The following SRP9 variants were observed in gnomAD, a reference collection of about 807,000 sequenced individuals.
SRP9 encodes signal recognition particle 9.
In SRP9, 2 loss-of-function variants were observed where a neutral mutation model predicts 11.7. The observed-to-expected ratio is 0.17, with a 90% confidence interval of 0.07 to 0.54. The LOEUF (loss-of-function observed/expected upper bound fraction) is 0.54. Ranked by LOEUF, SRP9 falls within the 20% of genes least tolerant of loss-of-function variation. SRP9 has a pLI of 0.94. For missense variants in SRP9, 54 were observed against 108.1 expected, an observed-to-expected ratio of 0.50 and a Z score of 2.22; for synonymous variants, 27 against 35.6, an observed-to-expected ratio of 0.76 and a Z score of 0.86.
chr1:225,789,464 C>T lies in SRP9; in HGVS notation c.*105C>T. ...ACTTTATGTAACTAAGTGGGCTGTTCAGAAGCTTAGAGGTCATTTTTTGTA... is the reference window on the plus strand; with the variant it reads ...ACTTTATGTAACTAAGTGGGCTGTTTAGAAGCTTAGAGGTCATTTTTTGTA... On this transcript the variant is annotated 3_prime_UTR_variant, in exon 3 of 3. Coordinates refer to ENST00000304786, the MANE Select transcript of SRP9 (RefSeq NM_003133.6). The T allele has an allele frequency of 1.4e-6, 2 of 1,388,024 alleles. No individual in the cohort carries two copies. Among genetic ancestry groups the T allele is most frequent in the Non-Finnish European group, 1.9e-6 (2 of 1,029,086 alleles). 86.0% of individuals were successfully genotyped at this position (1,388,024 alleles called of 1,614,324 possible). A position where few individuals can be genotyped will look rare whatever the true frequency, so the allele number is the denominator to read the frequency against.
In SRP9 at chr1:225,790,075, G is replaced by C. The variant is rs1203548228; in HGVS notation, c.*716G>C. 1.3e-5 allele frequency: 2 copies of C among 152,160 alleles called. No individual in the cohort carries two copies. The highest frequency in any genetic ancestry group is 2.9e-5 in the Non-Finnish European group (2 of 68,036). The allele number at this position is 152,160 out of a possible 1,614,324, so 9.4% of individuals were successfully genotyped here. ...GATGATCACTGTGCTATAATGTACTGAAACCACCATATTACAGAAATATTT... is the reference window on the plus strand; with the variant it reads ...GATGATCACTGTGCTATAATGTACTCAAACCACCATATTACAGAAATATTT... On this transcript the variant is annotated 3_prime_UTR_variant, in exon 3 of 3. Transcript: ENST00000304786.
chr1:225,781,312 C>T (rs1321289564), intron 1 of SRP9, among the ~76,000 whole-genome samples: 1 of 151,484 alleles, frequency 6.6e-6, no homozygotes, highest in Non-Finnish European at 1.5e-5. Flanking sequence ...TTCTTTATGG[C>T]ATCTGACATG....
chr1:225,783,022 A>G (rs985029273), intron 1 of SRP9, among the ~76,000 whole-genome samples: 1 of 152,200 alleles, frequency 6.6e-6, no homozygotes, highest in African/African-American at 2.4e-5. Flanking sequence ...CATTCCCTGA[A>G]TGTGGATGTG....
Position 225,786,422 on chromosome 1 carries a change from G to A in SRP9, c.142-2818G>A, listed in dbSNP as rs1022358702. Among the ~76,000 whole-genome samples the A allele has an allele frequency of 3.3e-5, 5 of 152,158 alleles. No homozygotes were observed. In the East Asian group the frequency reaches 9.6e-4, roughly 29 times the overall value. ...TCAGTAAACATTTTTTAAATAGTTAGTTCTTTTGAAAATTTTATAGAGTGA... is the reference window on the plus strand; with the variant it reads ...TCAGTAAACATTTTTTAAATAGTTAATTCTTTTGAAAATTTTATAGAGTGA... On this transcript the variant is annotated intron_variant, in intron 2 of 2. Coordinates refer to ENST00000304786, the MANE Select transcript of SRP9 (RefSeq NM_003133.6).
At chr1:225,789,008 G>A in intron 2 of SRP9, 1 of 1,550,020 alleles carries the variant, frequency 6.5e-7, no homozygotes. Context: ...GCTTCTAATA[G>A]ACTTCATTCA....
intron 1 of SRP9, among the ~76,000 whole-genome samples, chr1:225,781,395 C>CTTTTTTTTTTTTTTTTTTTT (rs11315558): frequency 3.2e-4 from 28 of 87,780 alleles, no homozygotes; most frequent in East Asian, 1.2e-3. Context: ...TTTTCTTTTT[C>CTTTTTTTTTTTTTTTTTTTT]TTTTTTTTTT....
chr1:225,784,000 GT>G (rs1001266450), intron 2 of SRP9, among the ~76,000 whole-genome samples: 20 of 145,786 alleles, frequency 1.4e-4, no homozygotes, highest in South Asian at 2.2e-4. Flanking sequence ...TTTGCTGATT[GT>G]TTTTTTTTTG....
At position 225,783,807 on chromosome 1, in the gene SRP9, T is replaced by C. The variant is rs1371367824; in HGVS notation, c.141+439T>C. Among the ~76,000 whole-genome samples, 5 of 152,236 alleles carry C rather than the reference T, an allele frequency of 3.3e-5. No individual in the cohort carries two copies. In the East Asian group the frequency reaches 9.6e-4, roughly 29 times the overall value. ...ATGGTACTCCAGCGAAACTGCTCTT[T>C]GTGAGAGCACATCAGCAGCTCCTTT... On this transcript the variant is annotated intron_variant, in intron 2 of 2. Transcript: ENST00000304786.
At chr1:225,787,773 C>G (rs1227482425) in intron 2 of SRP9, among the ~76,000 whole-genome samples, 4 of 152,090 alleles carry the variant, frequency 2.6e-5, no homozygotes, top group Non-Finnish European at 4.4e-5. Context: ...AAGGTATGTA[C>G]ATTCTCTCAT....
At chr1:225,788,797 A>G (rs1665966400) in intron 2 of SRP9, among the ~76,000 whole-genome samples, 1 of 151,756 alleles carries the variant, frequency 6.6e-6, no homozygotes, top group Non-Finnish European at 1.5e-5. Flanking sequence ...TTATTATCAA[A>G]CCCCCAATTT....
rs1467641379 is a variant in SRP9, at chr1:225,778,029, G to C, written c.72+17G>C. On this transcript the variant is annotated intron_variant, in intron 1 of 2. Transcript: ENST00000304786. ...CCTATGAAGGTAAATCGCTGGCGGG[G>C]CCGCTGCTTTGGGCCCCAGCCCAGG... 1.9e-6 allele frequency: 3 copies of C among 1,614,038 alleles called. No individual in the cohort carries two copies. The East Asian group carries it at 6.7e-5, about 36-fold the overall frequency.
At chr1:225,779,553 G>T (rs559804336) in intron 1 of SRP9, among the ~76,000 whole-genome samples, 22 of 152,256 alleles carry the variant, frequency 1.4e-4, no homozygotes, top group African/African-American at 5.1e-4. Context: ...GCCACATACA[G>T]TTTATAGTGC....
Position 225,783,316 on chromosome 1 carries a change from A to G in SRP9, c.89A>G (p.Lys30Arg). ...ADPMKARVVL[K>R]YRHSDGNLCV... Reference sequence around the variant, plus strand: ...TTGTTTCAGGCACGTGTGGTTCTCAAATATAGGCATTCTGATGGGAACTTG... The same window carrying G: ...TTGTTTCAGGCACGTGTGGTTCTCAGATATAGGCATTCTGATGGGAACTTG... The change falls in exon 2 of 3, where the codon AAA becomes AGA. Residue 30 changes from lysine (K) to arginine (R), a missense_variant. Transcript: ENST00000304786. 2 of 1,612,708 alleles carry G rather than the reference A, an allele frequency of 1.2e-6. No individual in the cohort carries two copies. Among genetic ancestry groups the G allele is most frequent in the Non-Finnish European group, 1.7e-6 (2 of 1,179,194 alleles).
chr1:225,787,722 C>A (rs1230488910), intron 2 of SRP9, among the ~76,000 whole-genome samples: 2 of 152,146 alleles, frequency 1.3e-5, no homozygotes, highest in East Asian at 3.8e-4. Context: ...ATACTGTCTT[C>A]TATGGACCTA....
chr1:225,778,363 T>G (rs753545996), intron 1 of SRP9, among the ~76,000 whole-genome samples: 1 of 152,226 alleles, frequency 6.6e-6, no homozygotes, highest in Non-Finnish European at 1.5e-5. Context: ...TCACTTTTCC[T>G]GTACCGCCTA....
chr1:225,785,131 G>GC (rs1665879557), intron 2 of SRP9, among the ~76,000 whole-genome samples: 1 of 151,598 alleles, frequency 6.6e-6, no homozygotes. Flanking sequence ...GAGTGCAGTG[G>GC]GCGATCTCTG....
intron 2 of SRP9, among the ~76,000 whole-genome samples, chr1:225,788,430 T>G (rs1665959185): frequency 6.6e-6 from 1 of 151,502 alleles, no homozygotes; most frequent in Admixed American, 6.6e-5. Flanking sequence ...TTTTTTTTTT[T>G]TTTTGAGACG....
At chr1:225,780,101 T>G (rs920167373) in intron 1 of SRP9, among the ~76,000 whole-genome samples, 4 of 151,428 alleles carry the variant, frequency 2.6e-5, no homozygotes, top group Non-Finnish European at 4.4e-5. Context: ...GCTGCACCAT[T>G]GAACTGGGCT....
chr1:225,780,254 T>G (rs900407339), intron 1 of SRP9, among the ~76,000 whole-genome samples: 1 of 149,834 alleles, frequency 6.7e-6, no homozygotes, highest in Non-Finnish European at 1.5e-5. Context: ...AATCCTTGCC[T>G]CAGGTGATTC....
Sources: gnomAD v4.1 joint callset for allele counts (sites outside exome capture counted in the v4.1 genomes callset) on GRCh38, gnomAD v4.1.1 for gene constraint, MANE v1.5 for transcripts, NCBI Gene and HGNC (gene_info 2026-07-23, HGNC 2026-07-21) for gene names.